ARHGEF28: variants seen among roughly 807,000 people sequenced by gnomAD.
ARHGEF28 encodes the protein 190 kDa guanine nucleotide exchange factor.
ARHGEF28 carries 152 observed loss-of-function variants against 206.6 expected under a neutral mutation model. The observed-to-expected ratio is 0.74, with a 90% CI of 0.64 to 0.84. The LOEUF (loss-of-function observed/expected upper bound fraction) is 0.84. Among genes scored for constraint, ARHGEF28 ranks in the 40% least tolerant of loss-of-function variants. The probability of loss-of-function intolerance (pLI) is 0.00; values close to 1 mark genes in which losing one functional copy is unlikely to be tolerated. For synonymous variants in ARHGEF28, 763 were observed against 776.4 expected, an observed-to-expected ratio of 0.98 and a Z score of 0.29; for missense variants, 2,028 against 2,073.2, an observed-to-expected ratio of 0.98 and a Z score of 0.42.
In ARHGEF28 at chr5:73,887,631, G is replaced by A. The variant is rs1433788501; in HGVS notation, c.3339G>A (p.Val1113=). Residue 1113 remains valine (V), a synonymous_variant, in exon 26 of 36, where the codon GTG becomes GTA. Transcript: ENST00000513042. ...KDILALLLTD[V]LLFLQEKDQK... ...TCCTAGCTCTACTTCTAACTGATGTGCTGCTCTTTTTACAAGAAAAAGACC... is the reference window on the plus strand; with the variant it reads ...TCCTAGCTCTACTTCTAACTGATGTACTGCTCTTTTTACAAGAAAAAGACC... 1.3e-6 allele frequency: 2 copies of A among 1,572,650 alleles called. No individual in the cohort carries two copies. The highest frequency in any genetic ancestry group is 2.3e-5 in the South Asian group (2 of 85,666).
In ARHGEF28 at chr5:73,776,654, A is replaced by G; in HGVS notation, c.798A>G (p.Lys266=). The G allele has an allele frequency of 6.2e-7, 1 of 1,612,662 alleles. No homozygotes were observed. Among genetic ancestry groups the G allele is most frequent in the Non-Finnish European group, 8.5e-7 (1 of 1,179,344 alleles). The change falls in exon 6 of 36, where the codon AAA becomes AAG. Residue 266 remains lysine, a synonymous_variant. Coordinates refer to ENST00000513042, the MANE Select transcript of ARHGEF28 (RefSeq NM_001177693.2). ...AGCATTTGTTGGAGGCAGATATTAA[A>G]CTCTTCCGGAAATACTTTTGGGATA... The part of the protein sequence containing the change: ...TAEHLLEADI[K]LFRKYFWDRA...
At chr5:73,787,002 T>C (rs1754199698) in intron 7 of ARHGEF28, among the ~76,000 whole-genome samples, 1 of 152,200 alleles carries the variant, frequency 6.6e-6, no homozygotes, top group South Asian at 2.1e-4. Context: ...GGATTTTCCT[T>C]ATTTGAATAT....
rs144653835 is a variant in ARHGEF28 at position 73,901,470 on chromosome 5, T to A, written c.4074+186T>A. ...TCTTCAAATGTGCTTGCACTGCCTG[T>A]GTCATGTAGGTGTAAACAAAGCAAC... On this transcript the variant is annotated intron_variant, in intron 31 of 35. Coordinates refer to ENST00000513042, the MANE Select transcript of ARHGEF28 (RefSeq NM_001177693.2). 2.8e-3 allele frequency: 1,318 copies of A among 476,298 alleles called. 13 individuals carry two copies. The highest frequency in any genetic ancestry group is 0.023 in the African/African-American group (1,181 of 50,632). 29.5% of individuals were successfully genotyped at this position (476,298 alleles called of 1,614,324 possible).
intron 17 of ARHGEF28, 104 bp downstream of exon 17, chr5:73,864,976 C>T (rs933043566): frequency 2.4e-5 from 24 of 1,012,896 alleles, no homozygotes; most frequent in African/African-American, 4.9e-5. Context: ...ATTTCTAAAG[C>T]GATCATGATA....
At chr5:73,799,378 G>T (rs1755003943) in intron 9 of ARHGEF28, among the ~76,000 whole-genome samples, 1 of 152,218 alleles carries the variant, frequency 6.6e-6, no homozygotes, top group South Asian at 2.1e-4. Context: ...CTACTTTTAA[G>T]AGGTTGAATC....
chr5:73,756,499 A>G (rs991039511), intron 4 of ARHGEF28, among the ~76,000 whole-genome samples: 2 of 152,220 alleles, frequency 1.3e-5, no homozygotes, highest in Admixed American at 6.5e-5. Flanking sequence ...ATGTCAAGCG[A>G]CAGGGTTAAT....
chr5:73,829,316 C>A (rs910497871), intron 9 of ARHGEF28, among the ~76,000 whole-genome samples: 1 of 152,182 alleles, frequency 6.6e-6, no homozygotes, highest in Non-Finnish European at 1.5e-5. Flanking sequence ...TCAGAATCTC[C>A]CTTTGCAACA....
chr5:73,805,955 T>A (rs1433385072), intron 9 of ARHGEF28, among the ~76,000 whole-genome samples: 1 of 151,542 alleles, frequency 6.6e-6, no homozygotes, highest in East Asian at 1.9e-4. Flanking sequence ...ATTAAACTCT[T>A]TGCTCATTTG....
At chr5:73,643,814 C>CAAA (rs10655836) in intron 1 of ARHGEF28, among the ~76,000 whole-genome samples, 11,982 of 122,882 alleles carry the variant, frequency 0.098, 1,858 homozygotes, top group African/African-American at 0.33. Context: ...GGCCCTGTCT[C>CAAA]AAAAAAAAAA....
intron 7 of ARHGEF28, among the ~76,000 whole-genome samples, chr5:73,789,519 A>G (rs183984591): frequency 6.6e-6 from 1 of 152,276 alleles, no homozygotes; most frequent in African/African-American, 2.4e-5. Context: ...TCAATATACT[A>G]AAACCCATTG....
chr5:73,663,924 G>A (rs1187743280), intron 1 of ARHGEF28, among the ~76,000 whole-genome samples: 1 of 152,206 alleles, frequency 6.6e-6, no homozygotes, highest in Admixed American at 6.5e-5. Context: ...TAGGGTAGAG[G>A]TGGATTTCAA....
intron 10 of ARHGEF28, 26 bp downstream of exon 10, chr5:73,832,485 T>C: frequency 6.2e-7 from 1 of 1,605,846 alleles, no homozygotes. Context: ...CATTACAGGA[T>C]GATTTCTACC....
chr5:73,928,531 G>A (rs2112009818), intron 35 of ARHGEF28, among the ~76,000 whole-genome samples: 1 of 152,276 alleles, frequency 6.6e-6, no homozygotes, highest in South Asian at 2.1e-4. Flanking sequence ...GCTTGGGTGT[G>A]TTAGGTTTAA....
chr5:73,725,042 A>G (rs1257197408), intron 2 of ARHGEF28, among the ~76,000 whole-genome samples: 6 of 151,906 alleles, frequency 3.9e-5, no homozygotes, highest in Non-Finnish European at 8.8e-5. Flanking sequence ...TAAAAAATAT[A>G]GAAAAGTACC....
intron 9 of ARHGEF28, among the ~76,000 whole-genome samples, chr5:73,823,572 A>G (rs904780196): frequency 1.3e-5 from 2 of 152,162 alleles, no homozygotes; most frequent in African/African-American, 4.8e-5. Context: ...AAACAAAATG[A>G]GATAATGTAT....
At chr5:73,885,745 A>T (rs1296988341) in intron 24 of ARHGEF28, 105 bp from the exon 25 acceptor site, 1 of 1,194,394 alleles carries the variant, frequency 8.4e-7, no homozygotes, top group African/African-American at 1.6e-5. Flanking sequence ...TATTGTTTAG[A>T]TGATACATTT....
rs76605733 is a variant in ARHGEF28, at chr5:73,930,702, T to C, written c.4949-10142T>C. The stretch of plus-strand genomic sequence containing the variant: ...GAGACTAACCATCTGCCTTGTTTTT[T>C]ATTTGCATACCTTCTCCCTTACTCC... On this transcript the variant is annotated intron_variant, in intron 35 of 35. Coordinates refer to ENST00000513042, the MANE Select transcript of ARHGEF28 (RefSeq NM_001177693.2). Among the ~76,000 whole-genome samples, 508 of 152,352 alleles carry C rather than the reference T, an allele frequency of 3.3e-3. 2 individuals are homozygous for C. The highest frequency in any genetic ancestry group is 0.02 in the East Asian group (106 of 5,186).
chr5:73,846,818 G>C (rs1758397916), intron 12 of ARHGEF28, among the ~76,000 whole-genome samples: 1 of 152,156 alleles, frequency 6.6e-6, no homozygotes, highest in Non-Finnish European at 1.5e-5. Context: ...ATGAGTTTAA[G>C]TGATCAAACT....
chr5:73,918,956 C>T (rs434008), intron 35 of ARHGEF28, among the ~76,000 whole-genome samples: 16,952 of 152,186 alleles, frequency 0.11, 1,076 homozygotes, highest in South Asian at 0.21. Flanking sequence ...CAGCCTGACG[C>T]ATGTCCCCGG....
Sources: gnomAD v4.1 joint callset for allele counts (sites outside exome capture counted in the v4.1 genomes callset) on GRCh38, gnomAD v4.1.1 for gene constraint, MANE v1.5 for transcripts, NCBI Gene and HGNC (gene_info 2026-07-23, HGNC 2026-07-21) for gene names.